The following PLCG1 variants were observed in gnomAD, a reference collection of about 807,000 sequenced individuals.
The protein encoded by PLCG1 is phospholipase C gamma 1.
A neutral mutation model predicts 177.8 loss-of-function variants in PLCG1; 71 were observed. The observed-to-expected ratio is 0.40, with a 90% CI of 0.33 to 0.49. The LOEUF (loss-of-function observed/expected upper bound fraction) is 0.49, where lower values mean the gene tolerates loss of function less well. PLCG1 is among the 20% of genes least tolerant of loss of function. The pLI, the probability that PLCG1 is intolerant of heterozygous loss-of-function variation, is 0.72. For synonymous variants in PLCG1, 658 were observed against 647.9 expected, an observed-to-expected ratio of 1.02 and a Z score of -0.24; for missense variants, 1,281 against 1,709.0, an observed-to-expected ratio of 0.75 and a Z score of 4.42.
rs759445720 is a variant in PLCG1, at chr20:41,160,007, A to G, written c.464+44A>G. 5 of 1,599,378 alleles carry G rather than the reference A, an allele frequency of 3.1e-6. No homozygotes were observed. The highest frequency in any genetic ancestry group is 1.7e-4 in the Middle Eastern group (1 of 6,030). On this transcript the variant is annotated intron_variant, in intron 3 of 31. Transcript: ENST00000685551. This position sits in a 1 kb window ranked among gnomAD's most constrained non-coding sequence, Gnocchi z 5.5. ...GGGGTTAGGGCTGGGAGCATTAGGG[A>G]CCAGGGGGACAGGGACAGCAGACCT...
Position 41,163,569 on chromosome 20 carries a change from A to T in PLCG1, c.891+90A>T. 3 of 1,097,858 alleles carry T rather than the reference A, an allele frequency of 2.7e-6. No individual in the cohort carries two copies. The highest frequency in any genetic ancestry group is 2.5e-5 in the South Asian group (2 of 80,232). 68.0% of individuals were successfully genotyped at this position (1,097,858 alleles called of 1,614,324 possible). A position where few individuals can be genotyped will look rare whatever the true frequency, so the allele number is the denominator to read the frequency against. On this transcript the variant is annotated intron_variant, in intron 9 of 31. Coordinates refer to ENST00000685551, the MANE Select transcript of PLCG1 (RefSeq NM_002660.3). This position sits in a 1 kb window ranked among gnomAD's most constrained non-coding sequence, Gnocchi z 5.2. ...GGGCTCCAGGAGCTAGACGCTCCTT[A>T]GGGATGCCACCTTGTTTCTACCTAC...
At position 41,165,953 on chromosome 20, in the gene PLCG1, T is replaced by G; in HGVS notation, c.1799+127T>G. 1 of 798,488 alleles carries G rather than the reference T, an allele frequency of 1.3e-6. No homozygotes were observed. Among genetic ancestry groups the G allele is most frequent in the Non-Finnish European group, 2.0e-6 (1 of 510,112 alleles). The allele number at this position is 798,488 out of a possible 1,614,324, so 49.5% of individuals were successfully genotyped here. A position where few individuals can be genotyped will look rare whatever the true frequency, so the allele number is the denominator to read the frequency against. ...CAATAATTAGGCTTTACATGGAACA[T>G]AATTTCACCTACATACACACACACA... On this transcript the variant is annotated intron_variant, in intron 16 of 31. Transcript: ENST00000685551. This position sits in a 1 kb window ranked among gnomAD's most constrained non-coding sequence, Gnocchi z 6.6.
In PLCG1 at chr20:41,145,486, G is replaced by C. The variant is rs193135465; in HGVS notation, c.217+7628G>C. On this transcript the variant is annotated intron_variant, in intron 1 of 31. Transcript: ENST00000685551. ...TGTCATCTCTGCCATAGCTGCCCCC[G>C]CCTTCCCCACCAACCCATGGCCCTA... 5.1e-4 allele frequency among the ~76,000 whole-genome samples: 77 copies of C among 152,152 alleles called. 1 individual carries two copies. Among genetic ancestry groups the C allele is most frequent in the East Asian group, 4.8e-3 (25 of 5,174 alleles).
rs1045766685 is a variant in PLCG1 at position 41,151,007 on chromosome 20, G to A, written c.218-8599G>A. ...CCTGACATGGAGTAGATAGATGCCC[G>A]ATAAATGTTTGATCAGATGATGGAA... On this transcript the variant is annotated intron_variant, in intron 1 of 31. Transcript: ENST00000685551. This position sits in a 1 kb window ranked among gnomAD's most constrained non-coding sequence, Gnocchi z 5.5. Among the ~76,000 whole-genome samples, 1 of 152,172 alleles carries A rather than the reference G, an allele frequency of 6.6e-6. No individual in the cohort carries two copies. The highest frequency in any genetic ancestry group is 2.4e-5 in the African/African-American group (1 of 41,446).
In PLCG1 at chr20:41,165,346, C is replaced by A; in HGVS notation, c.1488C>A (p.Tyr496Ter). Residue 496 changes from tyrosine to a stop codon, truncating the protein, a stop_gained, in exon 14 of 32, where the codon TAC becomes TAA. Transcript: ENST00000685551. LOFTEE classifies it high-confidence loss of function. The surrounding 1 kb of genome is among the most constrained non-coding windows in gnomAD (Gnocchi z 6.6). ...ACTCTATCAAGAATGGCATCCTCTA[C>A]CTGGAGGACCCTGTGAACCACGTGA... ...ISNSIKNGIL[Y>*]LEDPVNHEWY... 6.2e-7 allele frequency: 1 copy of A among 1,614,166 alleles called. No homozygotes were observed. Among genetic ancestry groups the A allele is most frequent in the African/African-American group, 1.3e-5 (1 of 75,038 alleles).
In PLCG1 at chr20:41,153,183, T is replaced by A. The variant is rs2035218520; in HGVS notation, c.218-6423T>A. On this transcript the variant is annotated intron_variant, in intron 1 of 31. Transcript: ENST00000685551. The surrounding 1 kb of genome is among the most constrained non-coding windows in gnomAD (Gnocchi z 5.1). ...TATTTACTATGAGTTGCAGTTTTTT[T>A]AAGTTACAAAATTTCTTTACTCCAT... Among the ~76,000 whole-genome samples, 1 of 152,234 alleles carries A rather than the reference T, an allele frequency of 6.6e-6. No homozygotes were observed. The highest frequency in any genetic ancestry group is 6.5e-5 in the Admixed American group (1 of 15,290).
At chr20:41,152,752 G>A (rs2035203648) in intron 1 of PLCG1, among the ~76,000 whole-genome samples, 1 of 152,272 alleles carries the variant, frequency 6.6e-6, no homozygotes, top group South Asian at 2.1e-4. Context: ...CCTTGGAGGA[G>A]CTCATAGGCC....
chr20:41,165,551 G>T lies in PLCG1; in HGVS notation c.1611G>T (p.Glu537Asp). 6.2e-7 allele frequency: 1 copy of T among 1,613,594 alleles called. No individual in the cohort carries two copies. Among genetic ancestry groups the T allele is most frequent in the African/African-American group, 1.3e-5 (1 of 75,066 alleles). Residue 537 changes from glutamate (E) to aspartate (D), a missense_variant and splice_region_variant, in exon 15 of 32, where the codon GAG (glutamate) becomes GAT (aspartate). By Grantham distance (45) the Glu-to-Asp change is conservative (BLOSUM62 2). Around this residue, in one of 4 missense-constraint regions of PLCG1, gnomAD observed 723 missense variants for 1,030.0 expected, o/e 0.70. Transcript: ENST00000685551. This position sits in a 1 kb window ranked among gnomAD's most constrained non-coding sequence, Gnocchi z 6.6. The stretch of plus-strand genomic sequence containing the variant: ...ACGAGGATGAGGAGGAGCCCAAGGA[G>T]GTGAGGAACCAGCTCAGGTCTGGGG... Reference protein sequence around the residue: ...QGNEDEEEPKEVSSSTELHSN... With the variant: ...QGNEDEEEPKDVSSSTELHSN...
chr20:41,174,169 G>A lies in PLCG1; in HGVS notation c.3691G>A (p.Glu1231Lys). The change falls in exon 31 of 32, where the codon GAG becomes AAG. Residue 1231 changes from glutamate (E) to lysine (K), a missense_variant. By Grantham distance (56) the Glu-to-Lys change is moderately conservative. This residue lies in a region of PLCG1 where 153 missense variants were observed against 153.2 expected (regional missense o/e 1.00). Transcript: ENST00000685551. This position sits in a 1 kb window ranked among gnomAD's most constrained non-coding sequence, Gnocchi z 5.8. ...LSPFSGTSLR[E>K]RGSDASGQLF... ...TCCCTTCAGTGGTACGTCCCTGCGG[G>A]AGCGGGGCTCAGATGCCTCAGGCCA... 2.5e-6 allele frequency: 4 copies of A among 1,614,154 alleles called. No homozygotes were observed. In the South Asian group the frequency reaches 3.3e-5, roughly 13 times the overall value.
At position 41,172,369 on chromosome 20, in the gene PLCG1, C is replaced by T; in HGVS notation, c.2906-52C>T. 6.3e-7 allele frequency: 1 copy of T among 1,583,614 alleles called. No homozygotes were observed. Among genetic ancestry groups the T allele is most frequent in the Non-Finnish European group, 8.7e-7 (1 of 1,152,212 alleles). ...CAAAAAGAGTATTTAGGTATCCCCCCAACACTTCCTGGGTGGGCGGGCTCT... is the reference window on the plus strand; with the variant it reads ...CAAAAAGAGTATTTAGGTATCCCCCTAACACTTCCTGGGTGGGCGGGCTCT... On this transcript the variant is annotated intron_variant, in intron 25 of 31. Transcript: ENST00000685551. The surrounding 1 kb of genome is among the most constrained non-coding windows in gnomAD (Gnocchi z 7.0).
rs2034939407 is a variant in PLCG1 at position 41,144,575 on chromosome 20, T to G, written c.217+6717T>G. 6.6e-6 allele frequency among the ~76,000 whole-genome samples: 1 copy of G among 152,196 alleles called. No individual in the cohort carries two copies. Among genetic ancestry groups the G allele is most frequent in the Non-Finnish European group, 1.5e-5 (1 of 68,030 alleles). ...CACAGAAGAGCCTCACCCTCTTGAC[T>G]TTCTGGTTTGTGGTGACACTTCCGC... On this transcript the variant is annotated intron_variant, in intron 1 of 31. Transcript: ENST00000685551. This position sits in a 1 kb window ranked among gnomAD's most constrained non-coding sequence, Gnocchi z 4.1.
chr20:41,142,141 A>G (rs1042672297), intron 1 of PLCG1, among the ~76,000 whole-genome samples: 11 of 152,248 alleles, frequency 7.2e-5, no homozygotes, highest in Non-Finnish European at 1.3e-4. Flanking sequence ...ACCATAATAT[A>G]AAGGCCTCTA....
rs1375038516 is a variant in PLCG1 at position 41,150,872 on chromosome 20, C to G, written c.218-8734C>G. ...CCTGTTGTTCTACTCGTTGCATGAC[C>G]TCATAGTTATCTGCTTCCCCATCTG... On this transcript the variant is annotated intron_variant, in intron 1 of 31. Coordinates refer to ENST00000685551, the MANE Select transcript of PLCG1 (RefSeq NM_002660.3). This position sits in a 1 kb window ranked among gnomAD's most constrained non-coding sequence, Gnocchi z 4.0. Among the ~76,000 whole-genome samples, 1 of 152,226 alleles carries G rather than the reference C, an allele frequency of 6.6e-6. No homozygotes were observed. The highest frequency in any genetic ancestry group is 1.5e-5 in the Non-Finnish European group (1 of 68,038).
In PLCG1 at chr20:41,168,931, G is replaced by A. The variant is rs2035796692; in HGVS notation, c.2483+61G>A. ...GCCCCAGTGGAGCTGGGGCCCCAAA[G>A]ACATGCATTTGTGATGTGCTTGTCT... On this transcript the variant is annotated intron_variant, in intron 21 of 31. Transcript: ENST00000685551. The A allele has an allele frequency of 6.4e-6, 8 of 1,258,118 alleles. No individual in the cohort carries two copies. The South Asian group carries it at 9.6e-5, about 15-fold the overall frequency. The allele number at this position is 1,258,118 out of a possible 1,614,324, so 77.9% of individuals were successfully genotyped here.
In PLCG1 at chr20:41,160,015, G is replaced by A. The variant is rs752768616; in HGVS notation, c.464+52G>A. The A allele has an allele frequency of 4.4e-6, 7 of 1,598,142 alleles. No homozygotes were observed. In the South Asian group the frequency reaches 7.7e-5, roughly 18 times the overall value. On this transcript the variant is annotated intron_variant, in intron 3 of 31. Transcript: ENST00000685551. The surrounding 1 kb of genome is among the most constrained non-coding windows in gnomAD (Gnocchi z 5.5). Reference sequence around the variant, plus strand: ...GGCTGGGAGCATTAGGGACCAGGGGGACAGGGACAGCAGACCTTTGTGTGC... The same window carrying A: ...GGCTGGGAGCATTAGGGACCAGGGGAACAGGGACAGCAGACCTTTGTGTGC...
chr20:41,174,601 C>G lies in PLCG1; in HGVS notation c.*92C>G, dbSNP rs1272973200. ...CTTTGGAAGCAGCCCCCTGTGGCGGCCTTCCGGGTCTCGCAGCCTGAAGCC... is the reference window on the plus strand; with the variant it reads ...CTTTGGAAGCAGCCCCCTGTGGCGGGCTTCCGGGTCTCGCAGCCTGAAGCC... On this transcript the variant is annotated 3_prime_UTR_variant, in exon 32 of 32. Coordinates refer to ENST00000685551, the MANE Select transcript of PLCG1 (RefSeq NM_002660.3). The surrounding 1 kb of genome is among the most constrained non-coding windows in gnomAD (Gnocchi z 5.8). The G allele has an allele frequency of 4.4e-6, 5 of 1,132,850 alleles. No homozygotes were observed. The highest frequency in any genetic ancestry group is 6.5e-6 in the Non-Finnish European group (5 of 767,592). The allele number at this position is 1,132,850 out of a possible 1,614,324, so 70.2% of individuals were successfully genotyped here. A position where few individuals can be genotyped will look rare whatever the true frequency, so the allele number is the denominator to read the frequency against.
At chr20:41,170,852 T>C (rs2146058918) in intron 24 of PLCG1, 1 of 152,952 alleles carries the variant, frequency 6.5e-6, no homozygotes, top group East Asian at 1.9e-4. Flanking sequence ...TGGCTGGCAT[T>C]AGATGGCAGT....
chr20:41,171,949 C>T (rs980569835), intron 24 of PLCG1, among the ~76,000 whole-genome samples: 3 of 152,228 alleles, frequency 2.0e-5, no homozygotes, highest in African/African-American at 7.2e-5. Flanking sequence ...ATCCCCCACC[C>T]CCCCTAAGAG....
chr20:41,151,477 A>G lies in PLCG1; in HGVS notation c.218-8129A>G, dbSNP rs941662488. ...CCCACCATCGCCTTCCCTTTGCCAT[A>G]TAACCCTGTGACCTCAGAAGTCCCT... is the stretch of plus-strand genomic sequence containing the variant. On this transcript the variant is annotated intron_variant, in intron 1 of 31. Coordinates refer to ENST00000685551, the MANE Select transcript of PLCG1 (RefSeq NM_002660.3). This position sits in a 1 kb window ranked among gnomAD's most constrained non-coding sequence, Gnocchi z 5.5. Among the ~76,000 whole-genome samples the G allele has an allele frequency of 6.6e-6, 1 of 152,194 alleles. No homozygotes were observed. The highest frequency in any genetic ancestry group is 1.5e-5 in the Non-Finnish European group (1 of 68,024).
Sources: allele counts gnomAD v4.1 joint callset (sites outside exome capture counted in the v4.1 genomes callset), GRCh38; gene constraint gnomAD v4.1.1; regional missense constraint gnomAD v4.1.1; non-coding constraint Gnocchi (gnomAD v3.1); transcripts MANE v1.5; gene names NCBI Gene and HGNC (gene_info 2026-07-23, HGNC 2026-07-21).